BICRAL: variants seen among roughly 807,000 people sequenced by gnomAD.
BICRAL encodes the protein BICRA like chromatin remodeling complex associated protein, also known as BRD4-interacting chromatin-remodeling complex-associated protein-like.
A neutral mutation model predicts 91.8 loss-of-function variants in BICRAL; 8 were observed. The observed-to-expected ratio is 0.09, with a 90% confidence interval of 0.05 to 0.16. BICRAL has a LOEUF of 0.16. Ranked by LOEUF, BICRAL falls within the 10% of genes least tolerant of loss-of-function variation. The pLI is 1.00. For missense variants in BICRAL, 1,038 were observed against 1,310.9 expected, an observed-to-expected ratio of 0.79 and a Z score of 3.21; for synonymous variants, 445 against 491.1, an observed-to-expected ratio of 0.91 and a Z score of 1.24.
chr6:42,865,326 C>A lies in BICRAL; in HGVS notation c.3120C>A (p.Asn1040Lys), dbSNP rs747446612. 1 of 1,614,094 alleles carries A rather than the reference C, an allele frequency of 6.2e-7. No individual in the cohort carries two copies. The highest frequency in any genetic ancestry group is 1.1e-5 in the South Asian group (1 of 91,080). Residue 1040 changes from asparagine (N) to lysine (K), a missense_variant, in exon 13 of 13, where the codon AAC becomes AAA. Coordinates refer to ENST00000314073, the MANE Select transcript of BICRAL (RefSeq NM_001393499.1). Reference protein sequence around the residue: ...VSGSVELDFPNFSPMASQENC... With the variant: ...VSGSVELDFPKFSPMASQENC... The stretch of plus-strand genomic sequence containing the variant: ...GCTCTGTTGAGTTAGATTTCCCCAA[C>A]TTTTCTCCTATGGCTTCACAGGAAA...
chr6:42,815,372 A>C (rs1359219391), intron 2 of BICRAL, among the ~76,000 whole-genome samples: 1 of 151,122 alleles, frequency 6.6e-6, no homozygotes, highest in Non-Finnish European at 1.5e-5. Context: ...TTGTATTTTC[A>C]GTAAAGACAG....
chr6:42,864,610 C>A, intron 12 of BICRAL, 49 bp from the exon 13 acceptor site: 1 of 1,500,256 alleles, frequency 6.7e-7, no homozygotes, highest in Non-Finnish European at 9.2e-7. Context: ...GCTGTATAGT[C>A]TGTCCTCTCC....
rs71547817 is a variant in BICRAL at position 42,846,391 on chromosome 6, TTAAA to T, written c.1840-5676_1840-5673del. On this transcript the variant is annotated intron_variant, in intron 6 of 12. Coordinates refer to ENST00000314073, the MANE Select transcript of BICRAL (RefSeq NM_001393499.1). ...TCAAAAAAATAAAATAAACAATAAG[TTAAA>T]TAAATAAATAAATAAATAAATAAAG... 8.7e-4 allele frequency among the ~76,000 whole-genome samples: 132 copies of T among 150,988 alleles called. 1 individual carries two copies. The highest frequency in any genetic ancestry group is 6.8e-3 in the Middle Eastern group (2 of 294).
At chr6:42,757,479 C>T (rs1346432840) in intron 1 of BICRAL, among the ~76,000 whole-genome samples, 1 of 152,158 alleles carries the variant, frequency 6.6e-6, no homozygotes. Flanking sequence ...GTCTCGATCT[C>T]CTGACTTCGT....
At chr6:42,857,802 ATTTTTTTTTT>A (rs1161596399) in intron 10 of BICRAL, among the ~76,000 whole-genome samples, 50 of 73,682 alleles carry the variant, frequency 6.8e-4, no homozygotes, top group African/African-American at 3.5e-3. Context: ...CATACCCTGA[ATTTTTTTTTT>A]TTTTTTTTTT....
chr6:42,860,121 A>T, intron 10 of BICRAL, 141 bp from the exon 11 acceptor site: 1 of 592,790 alleles, frequency 1.7e-6, no homozygotes, highest in South Asian at 1.9e-5. Context: ...GCCGGGGAAA[A>T]GCTCATCTAA....
intron 1 of BICRAL, among the ~76,000 whole-genome samples, chr6:42,755,807 T>A (rs2113824177): frequency 6.6e-6 from 1 of 152,172 alleles, no homozygotes; most frequent in East Asian, 1.9e-4. Context: ...GTAGCTGGGA[T>A]TACAGGCGCA....
chr6:42,856,046 G>A (rs1765341159), intron 9 of BICRAL, 129 bp downstream of exon 9: 2 of 777,512 alleles, frequency 2.6e-6, no homozygotes, highest in Non-Finnish European at 4.5e-6. Flanking sequence ...GTACTTTGAG[G>A]CAAGGCATGG....
At chr6:42,759,003 C>A (rs978692566) in intron 1 of BICRAL, among the ~76,000 whole-genome samples, 16 of 152,202 alleles carry the variant, frequency 1.1e-4, no homozygotes, top group African/African-American at 3.6e-4. Flanking sequence ...GTTCTCAACC[C>A]TAGCTGCTCA....
intron 10 of BICRAL, among the ~76,000 whole-genome samples, chr6:42,857,600 TAAAAAAA>T (rs748078737): frequency 2.0e-5 from 2 of 101,336 alleles, no homozygotes; most frequent in South Asian, 6.0e-4. Flanking sequence ...CACTGTCTCT[TAAAAAAA>T]AAAAAAAATA....
At chr6:42,814,519 A>ATATATT (rs1237976324) in intron 2 of BICRAL, among the ~76,000 whole-genome samples, 6 of 80,210 alleles carry the variant, frequency 7.5e-5, no homozygotes, top group African/African-American at 2.0e-4. Flanking sequence ...ATATATATAT[A>ATATATT]TTTTTTTTTT....
At chr6:42,791,171 C>T (rs1052635733) in intron 1 of BICRAL, among the ~76,000 whole-genome samples, 2 of 151,344 alleles carry the variant, frequency 1.3e-5, no homozygotes, top group Non-Finnish European at 2.9e-5. Context: ...TTCCCTACCT[C>T]GTATGTACTC....
At chr6:42,851,166 CAG>C (rs749560820) in intron 6 of BICRAL, among the ~76,000 whole-genome samples, 3 of 152,070 alleles carry the variant, frequency 2.0e-5, no homozygotes, top group African/African-American at 4.8e-5. Context: ...GCCTGGGCGA[CAG>C]AGAGAGACTC....
intron 1 of BICRAL, among the ~76,000 whole-genome samples, chr6:42,754,338 AT>A (rs1440621743): frequency 6.6e-6 from 1 of 151,386 alleles, no homozygotes. Context: ...CGCCTGGCTA[AT>A]TTTTTTGTAT....
At chr6:42,773,893 G>A (rs186183833) in intron 1 of BICRAL, among the ~76,000 whole-genome samples, 80 of 152,308 alleles carry the variant, frequency 5.3e-4, no homozygotes, top group African/African-American at 1.8e-3. Flanking sequence ...AATTTTGAAG[G>A]GTAGCAAATG....
intron 6 of BICRAL, among the ~76,000 whole-genome samples, chr6:42,834,236 G>A (rs1764580360): frequency 6.6e-6 from 1 of 152,226 alleles, no homozygotes; most frequent in South Asian, 2.1e-4. Context: ...TGCCACAGAA[G>A]TGAGGTGTCC....
chr6:42,790,981 T>C lies in BICRAL; in HGVS notation c.-102+8880T>C, dbSNP rs537408264. 3.3e-5 allele frequency among the ~76,000 whole-genome samples: 5 copies of C among 151,886 alleles called. No homozygotes were observed. In the South Asian group the frequency reaches 8.3e-4, roughly 25 times the overall value. ...TAAAAGGAAAGCCCTGAGGTGGAAA[T>C]CACTAACATGGTGCCTGGCTACAAG... On this transcript the variant is annotated intron_variant, in intron 1 of 12. Transcript: ENST00000314073.
At chr6:42,823,267 A>G (rs571741516) in intron 5 of BICRAL, among the ~76,000 whole-genome samples, 1 of 152,084 alleles carries the variant, frequency 6.6e-6, no homozygotes, top group East Asian at 1.9e-4. Flanking sequence ...CTGGGACTAC[A>G]GGCGCATGCC....
At chr6:42,784,948 G>A (rs1267547593) in intron 1 of BICRAL, among the ~76,000 whole-genome samples, 1 of 152,096 alleles carries the variant, frequency 6.6e-6, no homozygotes, top group African/African-American at 2.4e-5. Context: ...ACAGACACAC[G>A]TTTGGACTGT....
Sources: gnomAD v4.1 joint callset for allele counts (sites outside exome capture counted in the v4.1 genomes callset) on GRCh38, gnomAD v4.1.1 for gene constraint, MANE v1.5 for transcripts, NCBI Gene and HGNC (gene_info 2026-07-23, HGNC 2026-07-21) for gene names.